KIF26B: variants seen among roughly 807,000 people sequenced by gnomAD.
KIF26B encodes the protein kinesin-like protein KIF26B.
A neutral mutation model predicts 151.2 loss-of-function variants in KIF26B; 63 were observed. The ratio of observed to expected loss-of-function variants is 0.42; its 90% CI spans 0.34 to 0.51. The LOEUF is 0.51. Ranked by LOEUF, KIF26B falls within the 20% of genes least tolerant of loss-of-function variation. The pLI, the probability that KIF26B is intolerant of heterozygous loss-of-function variation, is 0.07. For missense variants in KIF26B, 2,813 were observed against 2,913.6 expected, an observed-to-expected ratio of 0.97 and a Z score of 0.79; for synonymous variants, 1,357 against 1,262.1, an observed-to-expected ratio of 1.08 and a Z score of -1.59.
chr1:245,325,511 G>A (rs1053472364), intron 2 of KIF26B, among the ~76,000 whole-genome samples: 1 of 152,142 alleles, frequency 6.6e-6, no homozygotes, highest in African/African-American at 2.4e-5. Context: ...GTCTGAGTTC[G>A]AGACCAGCCT....
chr1:245,388,541 T>C (rs922099324), intron 3 of KIF26B, among the ~76,000 whole-genome samples: 2 of 152,160 alleles, frequency 1.3e-5, no homozygotes, highest in Admixed American at 6.5e-5. Context: ...GCCCAGGATA[T>C]TTTCCCCATA....
chr1:245,385,972 G>A (rs1271077383), intron 3 of KIF26B, among the ~76,000 whole-genome samples: 1 of 152,170 alleles, frequency 6.6e-6, no homozygotes, highest in Non-Finnish European at 1.5e-5. Flanking sequence ...TTGCATGGAC[G>A]GTGAGCTATT....
intron 5 of KIF26B, among the ~76,000 whole-genome samples, chr1:245,545,806 C>T (rs1030357066): frequency 1.0e-5 from 1 of 97,746 alleles, no homozygotes; most frequent in African/African-American, 3.5e-5. Context: ...TAAGTCAGTT[C>T]TTCATGAAAT....
rs1370814733 is a variant in KIF26B, at chr1:245,685,578, C to T, written c.2595C>T (p.Val865=). 3 of 1,613,598 alleles carry T rather than the reference C, an allele frequency of 1.9e-6. No homozygotes were observed. The highest frequency in any genetic ancestry group is 2.5e-6 in the Non-Finnish European group (3 of 1,179,876). ...GCAGCGAGCAGTCCTGCGACACCGT[C>T]ATCTACATCGGGCCCAACGGCACGG... is the stretch of plus-strand genomic sequence containing the variant. ...SSSSEQSCDT[V]IYIGPNGTAL... is the part of the protein sequence containing the mutation. The change falls in exon 12 of 15, where the codon GTC becomes GTT. Residue 865 remains valine, a synonymous_variant. Coordinates refer to ENST00000407071, the MANE Select transcript of KIF26B (RefSeq NM_018012.4).
chr1:245,261,504 C>CTCTCTCT lies in KIF26B; in HGVS notation c.465+104821_465+104822insTCTCTCT, dbSNP rs1558366108. On this transcript the variant is annotated intron_variant, in intron 2 of 14. Coordinates refer to ENST00000407071, the MANE Select transcript of KIF26B (RefSeq NM_018012.4). Reference sequence around the variant, plus strand: ...CTCTCTCTCTCTCTCTCTCTCTCTCCCTCCCTCCCTCCCTCCCTCTCTCTC... The same window carrying CTCTCTCT: ...CTCTCTCTCTCTCTCTCTCTCTCTCCTCTCTCTCTCCCTCCCTCCCTCCCTCTCTCTC... 5.1e-5 allele frequency among the ~76,000 whole-genome samples: 5 copies of CTCTCTCT among 98,016 alleles called. 1 individual carries two copies. The highest frequency in any genetic ancestry group is 8.7e-5 in the African/African-American group (2 of 22,974). The allele number at this position is 98,016 out of a possible 152,430, so 64.3% of individuals were successfully genotyped here. A position where few individuals can be genotyped will look rare whatever the true frequency, so the allele number is the denominator to read the frequency against.
intron 2 of KIF26B, among the ~76,000 whole-genome samples, chr1:245,162,375 C>T (rs1269391632): frequency 1.3e-4 from 10 of 76,488 alleles, no homozygotes; most frequent in African/African-American, 4.1e-4. Context: ...TCAGAAATAT[C>T]TTTTTTTTTT....
At chr1:245,610,849 C>A (rs560168070) in intron 8 of KIF26B, among the ~76,000 whole-genome samples, 1 of 152,102 alleles carries the variant, frequency 6.6e-6, no homozygotes, top group Non-Finnish European at 1.5e-5. Context: ...TTTTGATGGC[C>A]TCAGGTTCTA....
chr1:245,452,859 A>G (rs1251548608), intron 4 of KIF26B, among the ~76,000 whole-genome samples: 4 of 152,164 alleles, frequency 2.6e-5, no homozygotes, highest in Non-Finnish European at 5.9e-5. Flanking sequence ...TGATTTGTAA[A>G]TATTTTCTTC....
At chr1:245,257,790 C>A (rs1364669981) in intron 2 of KIF26B, among the ~76,000 whole-genome samples, 1 of 152,094 alleles carries the variant, frequency 6.6e-6, no homozygotes, top group Non-Finnish European at 1.5e-5. Context: ...GGGAGGCCAA[C>A]GTGGACGAAT....
At chr1:245,585,711 A>G (rs1168118263) in intron 5 of KIF26B, among the ~76,000 whole-genome samples, 1 of 152,198 alleles carries the variant, frequency 6.6e-6, no homozygotes, top group Non-Finnish European at 1.5e-5. Context: ...CATGAATTCA[A>G]ATACATTGTC....
At chr1:245,344,164 CT>C (rs1452284646) in intron 2 of KIF26B, among the ~76,000 whole-genome samples, 1 of 151,130 alleles carries the variant, frequency 6.6e-6, no homozygotes, top group Admixed American at 6.6e-5. Flanking sequence ...CTCCTTCCCC[CT>C]CCCTGTCTCC....
intron 9 of KIF26B, among the ~76,000 whole-genome samples, chr1:245,644,177 G>A (rs1318759434): frequency 6.6e-6 from 1 of 151,602 alleles, no homozygotes; most frequent in African/African-American, 2.4e-5. Context: ...TGTTTTATTT[G>A]TTGTTTTTTT....
intron 4 of KIF26B, among the ~76,000 whole-genome samples, chr1:245,501,604 C>A (rs577641193): frequency 6.6e-6 from 1 of 152,248 alleles, no homozygotes; most frequent in East Asian, 1.9e-4. Context: ...AGTTTTTATC[C>A]GCAGAGCACT....
At chr1:245,618,743 C>T (rs533643528) in intron 9 of KIF26B, among the ~76,000 whole-genome samples, 1 of 141,908 alleles carries the variant, frequency 7.0e-6, no homozygotes, top group South Asian at 2.3e-4. Flanking sequence ...GTGAGCTTGT[C>T]CAAGCCCTAT....
At chr1:245,651,629 G>A (rs114456394) in intron 10 of KIF26B, among the ~76,000 whole-genome samples, 148 of 152,328 alleles carry the variant, frequency 9.7e-4, no homozygotes, top group African/African-American at 3.4e-3. Flanking sequence ...CTGGCTTGTT[G>A]GGAACCAGCC....
At chr1:245,645,528 T>A (rs934181204) in intron 9 of KIF26B, among the ~76,000 whole-genome samples, 1 of 152,180 alleles carries the variant, frequency 6.6e-6, no homozygotes, top group Non-Finnish European at 1.5e-5. Flanking sequence ...ATTTAGCTTA[T>A]GATTCTACTG....
chr1:245,470,784 G>A (rs754845245), intron 4 of KIF26B, among the ~76,000 whole-genome samples: 10 of 152,108 alleles, frequency 6.6e-5, no homozygotes, highest in South Asian at 2.1e-4. Flanking sequence ...GAAGGCCATC[G>A]TGCTAGGCTT....
intron 3 of KIF26B, among the ~76,000 whole-genome samples, chr1:245,372,852 T>G (rs1048088821): frequency 6.6e-6 from 1 of 152,172 alleles, no homozygotes; most frequent in Admixed American, 6.5e-5. Context: ...CTTACCTAGT[T>G]CAAGCCTGTG....
At chr1:245,557,989 G>C (rs1478037344) in intron 5 of KIF26B, among the ~76,000 whole-genome samples, 1 of 152,170 alleles carries the variant, frequency 6.6e-6, no homozygotes, top group Non-Finnish European at 1.5e-5. Flanking sequence ...TTGATTCTTA[G>C]AAAAGTAGGG....
Sources: gnomAD v4.1 joint callset for allele counts (sites outside exome capture counted in the v4.1 genomes callset) on GRCh38, gnomAD v4.1.1 for gene constraint, MANE v1.5 for transcripts, NCBI Gene and HGNC (gene_info 2026-07-23, HGNC 2026-07-21) for gene names.